Variants in CKAP5 observed in about 807,000 individuals in gnomAD.
CKAP5 encodes cytoskeleton associated protein 5, also known as cytoskeleton-associated protein 5.
In CKAP5, 27 loss-of-function variants were observed where a neutral mutation model predicts 232.8. The observed-to-expected ratio is 0.12, with a 90% CI of 0.09 to 0.16. CKAP5 has a LOEUF of 0.16. Among genes scored for constraint, CKAP5 ranks in the 10% least tolerant of loss-of-function variants. CKAP5 has a pLI of 1.00. For missense variants in CKAP5, 1,838 were observed against 2,424.7 expected (o/e 0.76, Z 5.08); for synonymous variants, 785 against 841.1 (o/e 0.93, Z 1.16).
intron 1 of CKAP5, 95 bp from the exon 2 acceptor site, chr11:46,821,363 C>A: frequency 1.2e-5 from 6 of 517,906 alleles, no homozygotes; most frequent in South Asian, 5.4e-5. Flanking sequence ...ATTCATGCAA[C>A]AACAAGAGTA....
chr11:46,822,463 C>T (rs1939555619), intron 1 of CKAP5, among the ~76,000 whole-genome samples: 1 of 151,800 alleles, frequency 6.6e-6, no homozygotes, highest in African/African-American at 2.4e-5. Context: ...AGAAAATAAT[C>T]AATATGGGGG....
chr11:46,759,141 A>T, intron 34 of CKAP5, 98 bp from the exon 35 acceptor site: 2 of 1,517,690 alleles, frequency 1.3e-6, no homozygotes, highest in Non-Finnish European at 1.8e-6. Context: ...GTCTTAGTTA[A>T]CAACTGCTAT....
At chr11:46,795,555 C>T (rs774637692) in intron 13 of CKAP5, 39 bp downstream of exon 13, 8 of 1,541,508 alleles carry the variant, frequency 5.2e-6, no homozygotes, top group African/African-American at 4.1e-5. Flanking sequence ...AGACTCAGAC[C>T]CTTCCTTACT....
At position 46,796,951 on chromosome 11, in the gene CKAP5, G is replaced by T. The variant is rs1938890544; in HGVS notation, c.1339-11C>A. 4.3e-6 allele frequency: 7 copies of T among 1,612,934 alleles called. No individual in the cohort carries two copies. Among genetic ancestry groups the T allele is most frequent in the Middle Eastern group, 1.6e-4 (1 of 6,078 alleles). The stretch of plus-strand genomic sequence containing the variant: ...AGAATCATTGATGTGCTATAGTCCA[G>T]AAGTAAGCAAAATGATATTAATGCA... On this transcript the variant is annotated splice_polypyrimidine_tract_variant and intron_variant, in intron 11 of 43. Coordinates refer to ENST00000529230, the MANE Select transcript of CKAP5 (RefSeq NM_001008938.4).
rs771463604 is a variant in CKAP5, at chr11:46,783,265, C to G, written c.2249+9G>C. On this transcript the variant is annotated intron_variant, in intron 18 of 43. Coordinates refer to ENST00000529230, the MANE Select transcript of CKAP5 (RefSeq NM_001008938.4). ...TAACTATTTTCCACTTGATTTCGTT[C>G]TGACTTACCCAGAAAAACCAAATTC... is the stretch of plus-strand genomic sequence containing the variant. 6.6e-7 allele frequency: 1 copy of G among 1,524,918 alleles called. No individual in the cohort carries two copies. Among genetic ancestry groups the G allele is most frequent in the South Asian group, 1.1e-5 (1 of 88,230 alleles). 94.5% of individuals were successfully genotyped at this position (1,524,918 alleles called of 1,614,324 possible). A position where few individuals can be genotyped will look rare whatever the true frequency, so the allele number is the denominator to read the frequency against.
At chr11:46,769,289 T>G (rs2065228808) in intron 26 of CKAP5, among the ~76,000 whole-genome samples, 1 of 152,224 alleles carries the variant, frequency 6.6e-6, no homozygotes, top group Admixed American at 6.5e-5. Flanking sequence ...TAAAGTGGAT[T>G]AAGCTAGATT....
chr11:46,795,587 T>C lies in CKAP5; in HGVS notation c.1650+7A>G. On this transcript the variant is annotated splice_region_variant and intron_variant, in intron 13 of 43. Coordinates refer to ENST00000529230, the MANE Select transcript of CKAP5 (RefSeq NM_001008938.4). ...TACTAACTTCTATTTTTAAATAATCTATTAACCTTAGCAGCAGGTGCCTTT... is the reference window on the plus strand; with the variant it reads ...TACTAACTTCTATTTTTAAATAATCCATTAACCTTAGCAGCAGGTGCCTTT... The C allele has an allele frequency of 6.2e-7, 1 of 1,609,184 alleles. No homozygotes were observed. The highest frequency in any genetic ancestry group is 8.5e-7 in the Non-Finnish European group (1 of 1,177,992).
intron 3 of CKAP5, among the ~76,000 whole-genome samples, chr11:46,817,245 GC>G (rs1317704539): frequency 6.6e-6 from 1 of 152,154 alleles, no homozygotes; most frequent in Non-Finnish European, 1.5e-5. Context: ...CTCCTGAGTA[GC>G]TAGGACTACA....
intron 26 of CKAP5, among the ~76,000 whole-genome samples, chr11:46,768,621 A>C (rs1398227341): frequency 6.6e-6 from 1 of 151,382 alleles, no homozygotes. Flanking sequence ...GTTCTGGCTC[A>C]CCCAGGCTGG....
intron 1 of CKAP5, among the ~76,000 whole-genome samples, chr11:46,841,854 C>A (rs992878917): frequency 6.6e-6 from 1 of 151,726 alleles, no homozygotes; most frequent in Non-Finnish European, 1.5e-5. Flanking sequence ...AAAATTTAGG[C>A]GGGTGCTGTG....
rs1428270806 is a variant in CKAP5, at chr11:46,809,384, T to A, written c.864+16A>T. The A allele has an allele frequency of 6.9e-7, 1 of 1,455,184 alleles. No individual in the cohort carries two copies. Among genetic ancestry groups the A allele is most frequent in the East Asian group, 2.3e-5 (1 of 44,068 alleles). 90.1% of individuals were successfully genotyped at this position (1,455,184 alleles called of 1,614,324 possible). The stretch of plus-strand genomic sequence containing the variant: ...TTTTACAAGAAATAAATGAAAGAAG[T>A]TTAACTATTACTTACAATTTTGTCA... On this transcript the variant is annotated intron_variant, in intron 7 of 43. Transcript: ENST00000529230.
intron 35 of CKAP5, 92 bp from the exon 36 acceptor site, chr11:46,755,159 A>G: frequency 1.2e-6 from 1 of 821,572 alleles, no homozygotes. Flanking sequence ...AAGAATATTT[A>G]TTAGCAAAGT....
At chr11:46,758,172 C>T (rs577900505) in intron 35 of CKAP5, among the ~76,000 whole-genome samples, 95 of 152,306 alleles carry the variant, frequency 6.2e-4, no homozygotes, top group Non-Finnish European at 7.5e-4. Context: ...CCTCTCAAAT[C>T]TCATTCTGTA....
intron 1 of CKAP5, among the ~76,000 whole-genome samples, chr11:46,833,009 G>GAC (rs1368799012): frequency 6.6e-6 from 1 of 151,772 alleles, no homozygotes; most frequent in East Asian, 1.9e-4. Context: ...CTCCTGTCCT[G>GAC]ACAACTGTGC....
At chr11:46,761,059 G>A (rs2065151094) in intron 32 of CKAP5, among the ~76,000 whole-genome samples, 1 of 151,926 alleles carries the variant, frequency 6.6e-6, no homozygotes, top group Non-Finnish European at 1.5e-5. Context: ...CACCAGCTTG[G>A]GCAACATGGT....
intron 1 of CKAP5, among the ~76,000 whole-genome samples, chr11:46,841,984 T>C (rs1428326959): frequency 2.9e-5 from 3 of 102,406 alleles, no homozygotes; most frequent in African/African-American, 4.0e-5. Flanking sequence ...GGAGAAAGAG[T>C]AAGACTTTGG....
At chr11:46,757,341 A>T (rs982765775) in intron 35 of CKAP5, among the ~76,000 whole-genome samples, 1 of 150,688 alleles carries the variant, frequency 6.6e-6, no homozygotes, top group Non-Finnish European at 1.5e-5. Context: ...AAAAACACAA[A>T]AATTAGCTGG....
Position 46,753,501 on chromosome 11 carries a change from T to C in CKAP5, c.4870-4A>G, listed in dbSNP as rs2065085851. Reference sequence around the variant, plus strand: ...CAAGGCTCTCTATCTGAAACAGCTATCCAGACATACTTGTGTCAGGGAGGT... The same window carrying C: ...CAAGGCTCTCTATCTGAAACAGCTACCCAGACATACTTGTGTCAGGGAGGT... On this transcript the variant is annotated splice_polypyrimidine_tract_variant and splice_region_variant and intron_variant, in intron 36 of 43. Transcript: ENST00000529230. 1 of 1,604,374 alleles carries C rather than the reference T, an allele frequency of 6.2e-7. No individual in the cohort carries two copies. Among genetic ancestry groups the C allele is most frequent in the Non-Finnish European group, 8.5e-7 (1 of 1,176,046 alleles).
At chr11:46,778,387 A>G (rs971531933) in intron 21 of CKAP5, 73 bp downstream of exon 21, 2 of 1,604,638 alleles carry the variant, frequency 1.2e-6, no homozygotes, top group African/African-American at 2.7e-5. Context: ...CCCCTCACTG[A>G]ATTCAAAAAG....
Sources: allele counts gnomAD v4.1 joint callset (sites outside exome capture counted in the v4.1 genomes callset), GRCh38; gene constraint gnomAD v4.1.1; transcripts MANE v1.5; gene names NCBI Gene and HGNC (gene_info 2026-07-23, HGNC 2026-07-21).